Variants in SLC38A6 observed in about 807,000 individuals in gnomAD.
The protein encoded by SLC38A6 is solute carrier family 38 member 6, also known as N system amino acid transporter NAT-1.
In SLC38A6, 73 loss-of-function variants were observed where a neutral mutation model predicts 65.0. The ratio of observed to expected loss-of-function variants is 1.12; its 90% CI spans 0.93 to 1.37. The LOEUF (loss-of-function observed/expected upper bound fraction) is 1.37. Among genes scored for constraint, SLC38A6 ranks in the 40% most tolerant of loss-of-function variants. The pLI is 0.00. For missense variants in SLC38A6, 561 were observed against 531.1 expected (o/e 1.06, Z -0.55); for synonymous variants, 183 against 178.8 (o/e 1.02, Z -0.19).
chr14:61,038,036 G>C (rs2041521899), intron 8 of SLC38A6, among the ~76,000 whole-genome samples: 1 of 151,996 alleles, frequency 6.6e-6, no homozygotes, highest in Non-Finnish European at 1.5e-5. Flanking sequence ...AAATCTGTTT[G>C]AGACTAGTCA....
rs147771604 is a variant in SLC38A6 at position 61,007,217 on chromosome 14, A to G, written c.311-8687A>G. ...AGGGATAGCATTAGGAGATATACCT[A>G]ATGCTAAATGACGAGTTAATGGGTG... On this transcript the variant is annotated intron_variant, in intron 3 of 15. Transcript: ENST00000267488. Among the ~76,000 whole-genome samples, 166 of 152,248 alleles carry G rather than the reference A, an allele frequency of 1.1e-3. No homozygotes were observed. In the East Asian group the frequency reaches 0.023, roughly 21 times the overall value.
chr14:60,992,748 G>A (rs1048668489), intron 3 of SLC38A6, among the ~76,000 whole-genome samples: 3 of 151,604 alleles, frequency 2.0e-5, no homozygotes, highest in East Asian at 1.9e-4. Flanking sequence ...GTGCAGTGGC[G>A]CGATCTAGCC....
intron 5 of SLC38A6, among the ~76,000 whole-genome samples, chr14:61,027,685 G>A (rs910957779): frequency 1.3e-5 from 2 of 151,900 alleles, no homozygotes; most frequent in African/African-American, 2.4e-5. Flanking sequence ...AACTTAATGT[G>A]TATTTGGTAA....
At position 61,023,934 on chromosome 14, in the gene SLC38A6, A is replaced by G. The variant is rs1483143567; in HGVS notation, c.403+4354A>G. ...TTAGCACATAGTATACATTTAGTAA[A>G]TAACATTTATTATAGGAAGAAAGAA... On this transcript the variant is annotated intron_variant, in intron 5 of 15. Coordinates refer to ENST00000267488, the MANE Select transcript of SLC38A6 (RefSeq NM_153811.3). Among the ~76,000 whole-genome samples the G allele has an allele frequency of 2.0e-5, 3 of 152,178 alleles. No homozygotes were observed. In the East Asian group the frequency reaches 5.8e-4, roughly 29 times the overall value.
At chr14:60,990,878 C>G (rs2037830122) in intron 3 of SLC38A6, among the ~76,000 whole-genome samples, 1 of 152,094 alleles carries the variant, frequency 6.6e-6, no homozygotes, top group Non-Finnish European at 1.5e-5. Context: ...GAGATGGGCT[C>G]TTACCACGAT....
chr14:61,080,702 C>A (rs2043610171), intron 16 of SLC38A6, among the ~76,000 whole-genome samples: 2 of 152,216 alleles, frequency 1.3e-5, no homozygotes, highest in South Asian at 4.1e-4. Context: ...GGGGCCCAGG[C>A]CCAGTCGGGT....
chr14:61,074,244 A>G (rs953456832), intron 15 of SLC38A6, among the ~76,000 whole-genome samples: 4 of 152,238 alleles, frequency 2.6e-5, no homozygotes, highest in Non-Finnish European at 4.4e-5. Context: ...AGTTACTGAC[A>G]TTCCATGAAG....
intron 15 of SLC38A6, among the ~76,000 whole-genome samples, chr14:61,066,933 A>G (rs1249329806): frequency 6.6e-6 from 1 of 152,148 alleles, no homozygotes; most frequent in Non-Finnish European, 1.5e-5. Flanking sequence ...AGCACATATT[A>G]TGTCCTAGAA....
intron 3 of SLC38A6, among the ~76,000 whole-genome samples, chr14:61,015,598 A>G (rs1449676229): frequency 6.6e-6 from 1 of 152,242 alleles, no homozygotes; most frequent in Non-Finnish European, 1.5e-5. Flanking sequence ...AGAAAAAGAC[A>G]TGTTTTACAA....
chr14:61,061,364 A>G (rs1275661687), intron 15 of SLC38A6, among the ~76,000 whole-genome samples: 7 of 152,204 alleles, frequency 4.6e-5, no homozygotes, highest in East Asian at 1.9e-4. Context: ...TTTTGCATCA[A>G]TGTTCATCAA....
chr14:61,004,866 C>G (rs2038975400), intron 3 of SLC38A6, among the ~76,000 whole-genome samples: 1 of 152,114 alleles, frequency 6.6e-6, no homozygotes, highest in African/African-American at 2.4e-5. Flanking sequence ...ATACCAAAGC[C>G]AGGCAGAGAC....
chr14:61,080,752 G>A (rs1043429091), intron 16 of SLC38A6, among the ~76,000 whole-genome samples: 3 of 152,138 alleles, frequency 2.0e-5, no homozygotes, highest in Non-Finnish European at 2.9e-5. Context: ...CTGCTGCACC[G>A]GGCCCTGGTC....
At chr14:61,037,208 A>G in intron 7 of SLC38A6, 67 bp downstream of exon 7, 1 of 1,208,616 alleles carries the variant, frequency 8.3e-7, no homozygotes, top group Non-Finnish European at 1.2e-6. Flanking sequence ...AAAGAGAGAC[A>G]AATATTAAGG....
chr14:61,036,129 G>T (rs2041348053), intron 6 of SLC38A6, among the ~76,000 whole-genome samples: 2 of 151,368 alleles, frequency 1.3e-5, no homozygotes, highest in Non-Finnish European at 2.9e-5. Context: ...AGAGATAATG[G>T]CTATCAATAT....
intron 3 of SLC38A6, among the ~76,000 whole-genome samples, chr14:60,989,905 G>T (rs2037732210): frequency 6.6e-6 from 1 of 152,080 alleles, no homozygotes; most frequent in African/African-American, 2.4e-5. Context: ...GACAAGTCAC[G>T]CTTTCCTAGT....
At chr14:60,983,878 G>A (rs1474643728) in intron 2 of SLC38A6, among the ~76,000 whole-genome samples, 1 of 152,172 alleles carries the variant, frequency 6.6e-6, no homozygotes, top group Non-Finnish European at 1.5e-5. Flanking sequence ...CCCAGTCATA[G>A]CAACCATCAT....
At chr14:61,017,240 A>G (rs957152297) in intron 4 of SLC38A6, among the ~76,000 whole-genome samples, 3 of 152,142 alleles carry the variant, frequency 2.0e-5, no homozygotes, top group African/African-American at 2.4e-5. Context: ...AGATTTCTCT[A>G]TGTTGGTCAG....
At chr14:61,081,745 A>G (rs2043661004) in intron 16 of SLC38A6, among the ~76,000 whole-genome samples, 1 of 152,184 alleles carries the variant, frequency 6.6e-6, no homozygotes, top group South Asian at 2.1e-4. Context: ...AATTTGTGCG[A>G]CTAGCTCATT....
chr14:60,994,786 C>T (rs190059689), intron 3 of SLC38A6, among the ~76,000 whole-genome samples: 1 of 151,224 alleles, frequency 6.6e-6, no homozygotes, highest in African/African-American at 2.4e-5. Context: ...GGCGGATCAC[C>T]TGAGGTCAGG....
Sources: allele counts gnomAD v4.1 joint callset (sites outside exome capture counted in the v4.1 genomes callset), GRCh38; gene constraint gnomAD v4.1.1; transcripts MANE v1.5; gene names NCBI Gene and HGNC (gene_info 2026-07-23, HGNC 2026-07-21).